Variants in IGSF23 observed in about 807,000 individuals in gnomAD.
IGSF23 encodes immunoglobulin superfamily, member 23.
Under a neutral mutation model 17.8 loss-of-function variants are expected in IGSF23, and 14 were observed. The ratio of observed to expected loss-of-function variants is 0.79; its 90% CI spans 0.52 to 1.23. The LOEUF (loss-of-function observed/expected upper bound fraction) is 1.23, where lower values mean the gene tolerates loss of function less well. Among genes scored for constraint, IGSF23 ranks in the 50% most tolerant of loss-of-function variants. IGSF23 has a pLI of 0.00. For missense variants in IGSF23, 214 were observed against 241.7 expected, an observed-to-expected ratio of 0.89 and a Z score of 0.76; for synonymous variants, 85 against 92.5, an observed-to-expected ratio of 0.92 and a Z score of 0.46.
At chr19:44,632,106 G>A (rs985860362) in intron 3 of IGSF23, 41 of 396,592 alleles carry the variant, frequency 1.0e-4, no homozygotes, top group Non-Finnish European at 1.5e-4. Flanking sequence ...AAACAAGTAT[G>A]TTCATTTTTT....
intron 1 of IGSF23, chr19:44,617,935 G>C (rs1170815069): frequency 5.5e-6 from 2 of 362,354 alleles, no homozygotes; most frequent in African/African-American, 4.3e-5. Flanking sequence ...ACAGCTCAGA[G>C]AAGTCAGCCT....
rs1421437651 is a variant in IGSF23 at position 44,636,715 on chromosome 19, T to G, written c.*328T>G. ...AATTGGCCAGACCCCAAAATATGTC[T>G]TTTACACATGCTGCTTTTTTTTTCT... On this transcript the variant is annotated 3_prime_UTR_variant, in exon 5 of 5. Coordinates refer to ENST00000402988, the MANE Select transcript of IGSF23 (RefSeq NM_001205280.2). 1 of 152,140 alleles carries G rather than the reference T, an allele frequency of 6.6e-6. No individual in the cohort carries two copies. The highest frequency in any genetic ancestry group is 2.4e-5 in the African/African-American group (1 of 41,432). The allele number at this position is 152,140 out of a possible 1,614,324, so 9.4% of individuals were successfully genotyped here.
intron 4 of IGSF23, among the ~76,000 whole-genome samples, chr19:44,635,974 T>C (rs62119278): frequency 0.012 from 1,778 of 152,272 alleles, 19 homozygotes; most frequent in Non-Finnish European, 0.016. Context: ...TGGGGTCAGT[T>C]GACAGATTGC....
chr19:44,635,348 T>TTCTCTCTC lies in IGSF23; in HGVS notation c.546-33_546-26dup, dbSNP rs138387848. 8.1e-5 allele frequency: 79 copies of TTCTCTCTC among 977,700 alleles called. No homozygotes were observed. In the African/African-American group the frequency reaches 1.8e-3, roughly 22 times the overall value. The allele number at this position is 977,700 out of a possible 1,614,324, so 60.6% of individuals were successfully genotyped here. On this transcript the variant is annotated intron_variant, in intron 3 of 4. Coordinates refer to ENST00000402988, the MANE Select transcript of IGSF23 (RefSeq NM_001205280.2). ...ATAATAATTCAGTCGATGATTCTTA[T>TTCTCTCTC]TCTCTCTCTCTCTCTCTCTCTCTCT... is the stretch of plus-strand genomic sequence containing the variant.
Position 44,618,205 on chromosome 19 carries a change from C to T in IGSF23, c.125+4435C>T, listed in dbSNP as rs1036307990. ...GGAAGGCTTGAAGGCATTCTCACCACGTCTTGGTTCTGAGGGTATGACGCC... is the reference window on the plus strand; with the variant it reads ...GGAAGGCTTGAAGGCATTCTCACCATGTCTTGGTTCTGAGGGTATGACGCC... On this transcript the variant is annotated intron_variant, in intron 1 of 4. Coordinates refer to ENST00000402988, the MANE Select transcript of IGSF23 (RefSeq NM_001205280.2). 3 of 471,042 alleles carry T rather than the reference C, an allele frequency of 6.4e-6. No homozygotes were observed. The East Asian group carries it at 2.1e-4, about 33-fold the overall frequency. 29.2% of individuals were successfully genotyped at this position (471,042 alleles called of 1,614,324 possible).
chr19:44,634,640 G>A (rs1161918581), intron 3 of IGSF23, among the ~76,000 whole-genome samples: 1 of 152,044 alleles, frequency 6.6e-6, no homozygotes, highest in African/African-American at 2.4e-5. Flanking sequence ...AGAACTGGAG[G>A]GTCAGGCCAC....
chr19:44,631,541 C>A (rs191065689), intron 3 of IGSF23, among the ~76,000 whole-genome samples: 2 of 152,210 alleles, frequency 1.3e-5, no homozygotes, highest in Admixed American at 6.5e-5. Flanking sequence ...TCTAACCCAG[C>A]GGTGCTAGAG....
At chr19:44,635,364 C>G in intron 3 of IGSF23, 37 bp from the exon 4 acceptor site, 2 of 1,462,738 alleles carry the variant, frequency 1.4e-6, no homozygotes, top group South Asian at 1.2e-5. Context: ...CTCTCTCTCT[C>G]TCTCTCTCTC....
rs982812372 is a variant in IGSF23, at chr19:44,628,087, G to T, written c.545+514G>T. Among the ~76,000 whole-genome samples the T allele has an allele frequency of 2.6e-5, 4 of 151,842 alleles. 1 individual carries two copies. ...AGCCTCCTGAGTAGCTGGGATTACA[G>T]GTGCATACCACCACGCCTGGCTAAT... On this transcript the variant is annotated intron_variant, in intron 3 of 4. Coordinates refer to ENST00000402988, the MANE Select transcript of IGSF23 (RefSeq NM_001205280.2).
rs142386313 is a variant in IGSF23, at chr19:44,634,710, A to C, written c.546-691A>C. The stretch of plus-strand genomic sequence containing the variant: ...AGATTTTGGGGGGCATGTTCCCAAC[A>C]GAATCTCTTGAACCTGGGAGGCGGA... On this transcript the variant is annotated intron_variant, in intron 3 of 4. Transcript: ENST00000402988. 3.1e-4 allele frequency among the ~76,000 whole-genome samples: 47 copies of C among 152,222 alleles called. 1 individual carries two copies. Among genetic ancestry groups the C allele is most frequent in the African/African-American group, 1.1e-3 (46 of 41,524 alleles).
intron 1 of IGSF23, among the ~76,000 whole-genome samples, chr19:44,619,292 G>A (rs928919447): frequency 6.6e-5 from 10 of 152,170 alleles, no homozygotes; most frequent in Non-Finnish European, 1.0e-4. Flanking sequence ...ACTGGGGATC[G>A]CATTTCAACA....
chr19:44,623,139 T>C (rs1211245422), intron 1 of IGSF23, among the ~76,000 whole-genome samples: 1 of 152,198 alleles, frequency 6.6e-6, no homozygotes. Flanking sequence ...GTCCTAGATT[T>C]GGTTCACCCA....
At chr19:44,624,667 A>G (rs1286482553) in intron 2 of IGSF23, among the ~76,000 whole-genome samples, 1 of 152,078 alleles carries the variant, frequency 6.6e-6, no homozygotes, top group Non-Finnish European at 1.5e-5. Context: ...GGACCAGGCT[A>G]CCTGGGTCCT....
At chr19:44,634,985 C>A (rs1166556049) in intron 3 of IGSF23, among the ~76,000 whole-genome samples, 2 of 152,102 alleles carry the variant, frequency 1.3e-5, no homozygotes, top group African/African-American at 4.8e-5. Flanking sequence ...GCTCCAGCTG[C>A]TGTAACAAAA....
rs559200155 is a variant in IGSF23 at position 44,624,457 on chromosome 19, G to A, written c.391+485G>A. Among the ~76,000 whole-genome samples, 16 of 151,672 alleles carry A rather than the reference G, an allele frequency of 1.1e-4. No individual in the cohort carries two copies. The East Asian group carries it at 2.9e-3, about 28-fold the overall frequency. ...GCACCACCACATCTGGCCTATTTTT[G>A]TATTTTTAGGAGAGACGGGGTTTCA... is the stretch of plus-strand genomic sequence containing the variant. On this transcript the variant is annotated intron_variant, in intron 2 of 4. Transcript: ENST00000402988.
chr19:44,617,909 A>C (rs1481434077), intron 1 of IGSF23, among the ~76,000 whole-genome samples: 5 of 152,198 alleles, frequency 3.3e-5, no homozygotes, highest in Non-Finnish European at 7.3e-5. Context: ...GCAAAAGGTA[A>C]GGGGACCCCA....
At chr19:44,621,771 T>A (rs1972526933) in intron 1 of IGSF23, among the ~76,000 whole-genome samples, 1 of 152,238 alleles carries the variant, frequency 6.6e-6, no homozygotes. Flanking sequence ...TAGTAACAGT[T>A]ATTACTATGA....
chr19:44,635,533 T>TGC (rs1972872027), intron 4 of IGSF23, 68 bp downstream of exon 4: 1 of 1,094,176 alleles, frequency 9.1e-7, no homozygotes, highest in Non-Finnish European at 1.3e-6. Flanking sequence ...GGGCAGAGAC[T>TGC]CCATATGTGA....
chr19:44,629,886 A>G (rs554294427), intron 3 of IGSF23, among the ~76,000 whole-genome samples: 6 of 152,148 alleles, frequency 3.9e-5, no homozygotes, highest in Non-Finnish European at 7.4e-5. Context: ...CCTGCCTTGC[A>G]AAGTGCTGGG....
Sources: allele counts gnomAD v4.1 joint callset (sites outside exome capture counted in the v4.1 genomes callset), GRCh38; gene constraint gnomAD v4.1.1; transcripts MANE v1.5; gene names NCBI Gene and HGNC (gene_info 2026-07-23, HGNC 2026-07-21).